Variants in KATNAL2 observed in about 807,000 individuals in gnomAD.
KATNAL2 encodes katanin catalytic subunit A1 like 2.
In KATNAL2, 52 loss-of-function variants were observed where a neutral mutation model predicts 76.3. The observed-to-expected ratio is 0.68, with a 90% CI of 0.55 to 0.86. The LOEUF (loss-of-function observed/expected upper bound fraction) is 0.86. Ranked by LOEUF, KATNAL2 falls within the 40% of genes least tolerant of loss-of-function variation. The pLI is 0.00. For missense variants in KATNAL2, 660 were observed against 668.9 expected (o/e 0.99, Z 0.15); for synonymous variants, 243 against 244.2 (o/e 1.00, Z 0.05).
At chr18:47,042,298 C>T (rs533263482) in intron 3 of KATNAL2, among the ~76,000 whole-genome samples, 1 of 152,168 alleles carries the variant, frequency 6.6e-6, no homozygotes, top group Admixed American at 6.5e-5. Context: ...AGAGCAAAAT[C>T]GATCAAACAA....
intron 1 of KATNAL2, among the ~76,000 whole-genome samples, chr18:46,922,411 T>C (rs72917125): frequency 0.041 from 6,245 of 152,026 alleles, 173 homozygotes; most frequent in Non-Finnish European, 0.064. Flanking sequence ...CTTTTTATTC[T>C]GAAAACCTTA....
At chr18:46,934,537 T>G (rs2059031694) in intron 1 of KATNAL2, among the ~76,000 whole-genome samples, 2 of 152,220 alleles carry the variant, frequency 1.3e-5, no homozygotes, top group African/African-American at 4.8e-5. Context: ...CATTGTAGAT[T>G]CTGGATATTA....
chr18:47,033,716 C>T, intron 3 of KATNAL2: 1 of 1,614,174 alleles, frequency 6.2e-7, no homozygotes, highest in Non-Finnish European at 8.5e-7. Context: ...GGCCTGGAGC[C>T]CGAGTACACC....
chr18:47,052,626 C>T (rs1200964090), intron 4 of KATNAL2, among the ~76,000 whole-genome samples: 3 of 152,186 alleles, frequency 2.0e-5, no homozygotes, highest in Admixed American at 6.5e-5. Flanking sequence ...CCAAAAACAT[C>T]CTTAACAACG....
chr18:46,965,579 C>CCCG (rs2060094279), intron 3 of KATNAL2, among the ~76,000 whole-genome samples: 3 of 88,636 alleles, frequency 3.4e-5, no homozygotes, highest in African/African-American at 5.1e-5. Flanking sequence ...TCTAGCATCC[C>CCCG]CGCCCCCCCC....
rs561328707 is a variant in KATNAL2, at chr18:46,950,889, G to A, written c.51+3966G>A. ...AGTAGAGACGGAGTTTCTCCATGTT[G>A]GCCGGGCTGGTCTCGAACTCCCAAC... is the stretch of plus-strand genomic sequence containing the variant. On this transcript the variant is annotated intron_variant, in intron 3 of 17. Transcript: ENST00000683218. 2.2e-4 allele frequency among the ~76,000 whole-genome samples: 33 copies of A among 152,198 alleles called. No homozygotes were observed. In the South Asian group the frequency reaches 6.9e-3, roughly 32 times the overall value.
chr18:46,958,037 CA>C (rs1033591447), intron 3 of KATNAL2, among the ~76,000 whole-genome samples: 1 of 152,110 alleles, frequency 6.6e-6, no homozygotes, highest in Non-Finnish European at 1.5e-5. Flanking sequence ...TCCAATCAGT[CA>C]AAGGTCTGAG....
At chr18:47,054,324 C>T (rs965397703) in intron 5 of KATNAL2, 72 bp from the exon 6 acceptor site, 5 of 1,341,166 alleles carry the variant, frequency 3.7e-6, no homozygotes, top group Non-Finnish European at 5.3e-6. Context: ...AAAGGGGAAA[C>T]ATACCTGAAA....
intron 6 of KATNAL2, among the ~76,000 whole-genome samples, chr18:47,057,560 C>T (rs1343946205): frequency 6.6e-6 from 1 of 152,190 alleles, no homozygotes; most frequent in Non-Finnish European, 1.5e-5. Flanking sequence ...GTCAAATTCT[C>T]CCCATCTCCA....
intron 3 of KATNAL2, among the ~76,000 whole-genome samples, chr18:46,954,945 G>T (rs1402481968): frequency 2.0e-5 from 3 of 151,966 alleles, no homozygotes; most frequent in Non-Finnish European, 4.4e-5. Flanking sequence ...GAGCCACTGT[G>T]CCTGGCCTCT....
At chr18:47,042,824 G>T (rs1409818548) in intron 3 of KATNAL2, among the ~76,000 whole-genome samples, 2 of 152,108 alleles carry the variant, frequency 1.3e-5, no homozygotes, top group Admixed American at 1.3e-4. Flanking sequence ...TAATAAAGAA[G>T]TTTTCCAAAA....
chr18:47,084,113 C>A (rs1039152547), intron 15 of KATNAL2, among the ~76,000 whole-genome samples: 1 of 152,212 alleles, frequency 6.6e-6, no homozygotes, highest in Non-Finnish European at 1.5e-5. Flanking sequence ...AGCTGTCAGT[C>A]AGCAGTGGCT....
At chr18:47,077,512 T>C (rs1424184242) in intron 15 of KATNAL2, 51 bp downstream of exon 15, 1 of 1,364,496 alleles carries the variant, frequency 7.3e-7, no homozygotes. Flanking sequence ...AGTCACTAAG[T>C]GCAAATAAAA....
intron 3 of KATNAL2, among the ~76,000 whole-genome samples, chr18:46,948,620 G>T (rs1232421371): frequency 1.3e-5 from 2 of 151,700 alleles, no homozygotes; most frequent in African/African-American, 4.8e-5. Context: ...TAGAGATGGG[G>T]TTTCTCCATG....
intron 3 of KATNAL2, among the ~76,000 whole-genome samples, chr18:46,952,617 T>C (rs2059597041): frequency 6.6e-6 from 1 of 151,994 alleles, no homozygotes; most frequent in Non-Finnish European, 1.5e-5. Context: ...GTCAGGCTGA[T>C]CTCGAACTCC....
chr18:47,099,538 A>G, intron 16 of KATNAL2, 133 bp downstream of exon 16: 4 of 760,826 alleles, frequency 5.3e-6, no homozygotes, highest in Non-Finnish European at 8.1e-6. Context: ...CCGTAATGCA[A>G]TGGGCATCTT....
At chr18:47,093,658 T>A (rs1276571412) in intron 15 of KATNAL2, among the ~76,000 whole-genome samples, 1 of 152,052 alleles carries the variant, frequency 6.6e-6, no homozygotes, top group Non-Finnish European at 1.5e-5. Context: ...CCCAACTAGC[T>A]GGGACTACAG....
intron 1 of KATNAL2, among the ~76,000 whole-genome samples, chr18:46,928,962 AT>A (rs1213389784): frequency 2.6e-5 from 4 of 151,434 alleles, no homozygotes; most frequent in Non-Finnish European, 5.9e-5. Context: ...CGCCCTGCTA[AT>A]TTTTTTTGTA....
At chr18:47,092,134 G>C (rs780653587) in intron 15 of KATNAL2, among the ~76,000 whole-genome samples, 1 of 152,120 alleles carries the variant, frequency 6.6e-6, no homozygotes, top group East Asian at 1.9e-4. Flanking sequence ...CTATACACAT[G>C]GCAGGCAGTA....
Sources: allele counts gnomAD v4.1 joint callset (sites outside exome capture counted in the v4.1 genomes callset), GRCh38; gene constraint gnomAD v4.1.1; transcripts MANE v1.5; gene names NCBI Gene and HGNC (gene_info 2026-07-23, HGNC 2026-07-21).